Variants in FKTN observed in about 807,000 individuals in gnomAD.
The protein encoded by FKTN is fukutin.
A neutral mutation model predicts 58.6 loss-of-function variants in FKTN; 47 were observed. That is an observed-to-expected ratio of 0.80 (90% CI 0.63 to 1.02). FKTN has a LOEUF of 1.02. Ranked by LOEUF, FKTN falls within the 50% of genes least tolerant of loss-of-function variation. The pLI, the probability that FKTN is intolerant of heterozygous loss-of-function variation, is 0.00. For synonymous variants in FKTN, 178 were observed against 191.9 expected (o/e 0.93, Z 0.60); for missense variants, 516 against 537.3 (o/e 0.96, Z 0.39).
At chr9:105,584,315 A>ATTATT (rs1843537091) in intron 3 of FKTN, among the ~76,000 whole-genome samples, 1 of 152,180 alleles carries the variant, frequency 6.6e-6, no homozygotes, top group African/African-American at 2.4e-5. Flanking sequence ...ATACCATACA[A>ATTATT]ACTGCCTTAG....
intron 10 of FKTN, among the ~76,000 whole-genome samples, chr9:105,620,773 C>CTG (rs1383760718): frequency 3.0e-5 from 3 of 101,346 alleles, no homozygotes; most frequent in Non-Finnish European, 5.9e-5. Context: ...ACTAATACTA[C>CTG]TATAGTAGTA....
At chr9:105,622,698 T>C (rs948203883) in intron 10 of FKTN, among the ~76,000 whole-genome samples, 5 of 152,090 alleles carry the variant, frequency 3.3e-5, no homozygotes, top group African/African-American at 1.2e-4. Context: ...AATGCTTTCT[T>C]CTTAGAGTTA....
At chr9:105,574,007 A>T (rs1479875387) in intron 2 of FKTN, among the ~76,000 whole-genome samples, 13 of 152,230 alleles carry the variant, frequency 8.5e-5, no homozygotes, top group Admixed American at 8.5e-4. Context: ...CATACAGTAG[A>T]TGAACAGAGA....
At chr9:105,632,096 G>T (rs372693508) in intron 10 of FKTN, among the ~76,000 whole-genome samples, 26 of 151,878 alleles carry the variant, frequency 1.7e-4, no homozygotes, top group African/African-American at 5.3e-4. Flanking sequence ...CCATAAAAAA[G>T]GATGAGTTCA....
At position 105,638,680 on chromosome 9, in the gene FKTN, T is replaced by C; in HGVS notation, c.*3416T>C. ...ATGTAACTGGAGTCACTTTGCAGTT[T>C]TCAAGATTTTTTTTTTATCTGCTTG... On this transcript the variant is annotated 3_prime_UTR_variant, in exon 11 of 11. Coordinates refer to ENST00000357998, the MANE Select transcript of FKTN (RefSeq NM_001079802.2). 2.0e-6 allele frequency: 2 copies of C among 985,138 alleles called. No homozygotes were observed. Among genetic ancestry groups the C allele is most frequent in the Non-Finnish European group, 2.4e-6 (2 of 829,786 alleles). 61.0% of individuals were successfully genotyped at this position (985,138 alleles called of 1,614,324 possible). A position where few individuals can be genotyped will look rare whatever the true frequency, so the allele number is the denominator to read the frequency against.
intron 1 of FKTN, among the ~76,000 whole-genome samples, chr9:105,562,338 G>A (rs1200158894): frequency 1.3e-5 from 2 of 152,238 alleles, no homozygotes; most frequent in Non-Finnish European, 2.9e-5. Flanking sequence ...CTGGGGATGT[G>A]ATGATAAGGG....
intron 10 of FKTN, among the ~76,000 whole-genome samples, chr9:105,629,316 T>G (rs1190704703): frequency 6.6e-6 from 1 of 152,202 alleles, no homozygotes; most frequent in African/African-American, 2.4e-5. Flanking sequence ...GAGGGATATA[T>G]GGGACCAAAA....
intron 3 of FKTN, among the ~76,000 whole-genome samples, chr9:105,581,275 GT>G (rs1056983158): frequency 6.8e-6 from 1 of 147,888 alleles, no homozygotes; most frequent in Non-Finnish European, 1.5e-5. Context: ...TTTCTGTTCT[GT>G]TTTTTCCCCA....
intron 7 of FKTN, among the ~76,000 whole-genome samples, chr9:105,613,865 G>A (rs556602731): frequency 1.2e-4 from 19 of 152,286 alleles, no homozygotes; most frequent in Admixed American, 7.8e-4. Context: ...AGGAACATTG[G>A]AAGAATAAAT....
chr9:105,608,266 G>C (rs772748949), intron 7 of FKTN, among the ~76,000 whole-genome samples: 1 of 152,188 alleles, frequency 6.6e-6, no homozygotes, highest in Non-Finnish European at 1.5e-5. Context: ...TGTATTCTCA[G>C]TCCAAGTAGG....
intron 1 of FKTN, among the ~76,000 whole-genome samples, chr9:105,563,515 G>T (rs551497863): frequency 2.0e-5 from 3 of 152,288 alleles, no homozygotes; most frequent in Admixed American, 6.5e-5. Flanking sequence ...TCCCACGCCT[G>T]GCTCGGAGGG....
At chr9:105,619,524 C>T (rs559485012) in intron 9 of FKTN, among the ~76,000 whole-genome samples, 78 of 152,180 alleles carry the variant, frequency 5.1e-4, no homozygotes, top group African/African-American at 1.8e-3. Flanking sequence ...TGCCACTTTA[C>T]TTAAGTACTT....
intron 3 of FKTN, among the ~76,000 whole-genome samples, chr9:105,582,187 C>G (rs1256101582): frequency 1.3e-5 from 2 of 152,252 alleles, no homozygotes; most frequent in Admixed American, 1.3e-4. Flanking sequence ...ATCTTGGCTC[C>G]TACCCGAAAC....
intron 1 of FKTN, among the ~76,000 whole-genome samples, chr9:105,559,022 AG>A (rs1275271918): frequency 6.6e-6 from 1 of 152,246 alleles, no homozygotes; most frequent in Admixed American, 6.5e-5. Context: ...GGAAGAAGAA[AG>A]GAACCGGGGA....
chr9:105,567,672 C>T (rs146901510), intron 1 of FKTN, among the ~76,000 whole-genome samples: 1 of 152,334 alleles, frequency 6.6e-6, no homozygotes, highest in African/African-American at 2.4e-5. Flanking sequence ...ACATTCTATG[C>T]TCATGGATAG....
At chr9:105,608,498 A>C (rs554027106) in intron 7 of FKTN, among the ~76,000 whole-genome samples, 1 of 152,288 alleles carries the variant, frequency 6.6e-6, no homozygotes, top group Admixed American at 6.5e-5. Flanking sequence ...GGCCCTGGGG[A>C]TATAAAGATG....
In FKTN at chr9:105,636,648, C is replaced by T; in HGVS notation, c.*1384C>T. The T allele has an allele frequency of 8.0e-7, 1 of 1,245,642 alleles. No homozygotes were observed. Among genetic ancestry groups the T allele is most frequent in the African/African-American group, 1.5e-5 (1 of 64,672 alleles). The allele number at this position is 1,245,642 out of a possible 1,614,324, so 77.2% of individuals were successfully genotyped here. On this transcript the variant is annotated 3_prime_UTR_variant, in exon 11 of 11. Coordinates refer to ENST00000357998, the MANE Select transcript of FKTN (RefSeq NM_001079802.2). The stretch of plus-strand genomic sequence containing the variant: ...TAAAGGAAAATGTAGGCACAATAAG[C>T]ACTGCTATTTTTCTCTTTGTCTAGG...
In FKTN at chr9:105,580,728, G is replaced by A. The variant is rs1181700965; in HGVS notation, c.105+5591G>A. On this transcript the variant is annotated intron_variant, in intron 3 of 10. Transcript: ENST00000357998. ...AACGTTGGCCTGCCTTGCTAGATTGGGGAAGTTCTCCTGGATAATATCCTG... is the reference window on the plus strand; with the variant it reads ...AACGTTGGCCTGCCTTGCTAGATTGAGGAAGTTCTCCTGGATAATATCCTG... Among the ~76,000 whole-genome samples, 9 of 29,168 alleles carry A rather than the reference G, an allele frequency of 3.1e-4. No individual in the cohort carries two copies. In the South Asian group the frequency reaches 8.5e-3, roughly 28 times the overall value. The allele number at this position is 29,168 out of a possible 152,430, so 19.1% of individuals were successfully genotyped here.
At chr9:105,569,035 A>G (rs962767713) in intron 1 of FKTN, among the ~76,000 whole-genome samples, 32 of 152,118 alleles carry the variant, frequency 2.1e-4, no homozygotes, top group Admixed American at 6.5e-5. Flanking sequence ...AAACTATCTC[A>G]AGGACAGAAA....
Sources: allele counts gnomAD v4.1 joint callset (sites outside exome capture counted in the v4.1 genomes callset), GRCh38; gene constraint gnomAD v4.1.1; transcripts MANE v1.5; gene names NCBI Gene and HGNC (gene_info 2026-07-23, HGNC 2026-07-21).